Variants in SCMH1 observed in about 807,000 individuals in gnomAD.
SCMH1 encodes the protein polycomb protein SCMH1.
SCMH1 carries 37 observed loss-of-function variants against 70.8 expected under a neutral mutation model. The ratio of observed to expected loss-of-function variants is 0.52; its 90% CI spans 0.40 to 0.69. SCMH1 has a LOEUF of 0.69. SCMH1 is among the 30% of genes least tolerant of loss of function. The pLI, the probability that SCMH1 is intolerant of heterozygous loss-of-function variation, is 0.00. For missense variants in SCMH1, 607 were observed against 827.3 expected (o/e 0.73, Z 3.27); for synonymous variants, 292 against 307.4 (o/e 0.95, Z 0.52).
chr1:41,107,034 T>G (rs1282892434), intron 8 of SCMH1, among the ~76,000 whole-genome samples: 1 of 151,652 alleles, frequency 6.6e-6, no homozygotes, highest in Non-Finnish European at 1.5e-5. Context: ...TTTTTTTAAC[T>G]TCTGGCCCTA....
At chr1:41,092,570 G>T (rs1393560693) in intron 8 of SCMH1, among the ~76,000 whole-genome samples, 1 of 152,096 alleles carries the variant, frequency 6.6e-6, no homozygotes, top group Non-Finnish European at 1.5e-5. Context: ...AGAACTATCA[G>T]CAGAGTGAAC....
chr1:41,131,126 C>T (rs1235437685), intron 6 of SCMH1, among the ~76,000 whole-genome samples: 1 of 152,074 alleles, frequency 6.6e-6, no homozygotes, highest in African/African-American at 2.4e-5. Flanking sequence ...ATGTGAATAT[C>T]CATTTGTTCC....
chr1:41,089,787 C>CTTTTTGTTTTTTTTTTTTTTTTTT (rs1662810433), intron 8 of SCMH1, among the ~76,000 whole-genome samples: 1 of 58,756 alleles, frequency 1.7e-5, no homozygotes. Flanking sequence ...CATGTTGTCT[C>CTTTTTGTTTTTTTTTTTTTTTTTT]TTTTTTTTTT....
chr1:41,032,033 TGGCTGTGCGA>T (rs1177656569), intron 13 of SCMH1, among the ~76,000 whole-genome samples: 1 of 152,154 alleles, frequency 6.6e-6, no homozygotes, highest in African/African-American at 2.4e-5. Context: ...CTTGCCCCTT[TGGCTGTGCGA>T]GGTTACAGTG....
At chr1:41,189,976 G>A (rs769407839) in intron 1 of SCMH1, among the ~76,000 whole-genome samples, 9 of 152,168 alleles carry the variant, frequency 5.9e-5, no homozygotes, top group Non-Finnish European at 1.0e-4. Flanking sequence ...GGTTCCTATA[G>A]TGCCACTTCA....
At position 41,186,104 on chromosome 1, in the gene SCMH1, G is replaced by T; in HGVS notation, c.13+17C>A. ...TTAATCCCTCTTACCTCCACGATAG[G>T]GTAAAAAGATACTTACCATTAGGCT... On this transcript the variant is annotated intron_variant, in intron 2 of 14. Transcript: ENST00000337495. The T allele has an allele frequency of 6.5e-7, 1 of 1,546,750 alleles. No homozygotes were observed. Among genetic ancestry groups the T allele is most frequent in the South Asian group, 1.2e-5 (1 of 83,912 alleles).
chr1:41,037,211 C>CAA, intron 13 of SCMH1, 151 bp downstream of exon 13: 1 of 740,224 alleles, frequency 1.4e-6, no homozygotes, highest in South Asian at 2.1e-5. Context: ...CTCCCAGGTG[C>CAA]AAGGCCAGGC....
At chr1:41,034,196 T>A in intron 13 of SCMH1, 148 bp from the exon 14 acceptor site, 1 of 850,002 alleles carries the variant, frequency 1.2e-6, no homozygotes, top group Non-Finnish European at 1.5e-6. Context: ...TCTGCCTCTC[T>A]ACTTGAGAGC....
chr1:41,077,126 AAAGACACCACAGAGCTGTCATGAGG>A (rs1320321302), intron 8 of SCMH1, among the ~76,000 whole-genome samples: 11 of 152,198 alleles, frequency 7.2e-5, no homozygotes, highest in Non-Finnish European at 1.2e-4. Flanking sequence ...AATTATTTAA[AAAGACACCACAGAGCTGTCATGAGG>A]AAGACACCAC....
At chr1:41,200,371 G>A (rs993904420) in intron 1 of SCMH1, among the ~76,000 whole-genome samples, 9 of 151,872 alleles carry the variant, frequency 5.9e-5, no homozygotes, top group African/African-American at 1.9e-4. Flanking sequence ...TCCCAGCTAC[G>A]CAGGAGGCTG....
intron 1 of SCMH1, 94 bp from the exon 2 acceptor site, chr1:41,186,344 A>C: frequency 2.6e-6 from 1 of 391,244 alleles, no homozygotes; most frequent in Non-Finnish European, 4.7e-6. Flanking sequence ...CTACATTATA[A>C]GAAAAGTAGG....
In SCMH1 at chr1:41,162,552, G is replaced by A. The variant is rs183128929; in HGVS notation, c.14-1120C>T. 7.1e-3 allele frequency among the ~76,000 whole-genome samples: 1,080 copies of A among 152,280 alleles called. 7 individuals carry two copies. The highest frequency in any genetic ancestry group is 0.015 in the South Asian group (72 of 4,828). On this transcript the variant is annotated intron_variant, in intron 2 of 14. Transcript: ENST00000337495. ...TCAGCCCCAGAGCAGAGCAGAGGAC[G>A]AAGATATGACTGAACAATCTGCCTG...
At chr1:41,139,075 G>A (rs1643799336) in intron 6 of SCMH1, among the ~76,000 whole-genome samples, 2 of 152,114 alleles carry the variant, frequency 1.3e-5, no homozygotes, top group Non-Finnish European at 2.9e-5. Flanking sequence ...ACCCCCTGCT[G>A]TCTTTTTTTC....
At chr1:41,043,143 G>A (rs1646432211) in intron 12 of SCMH1, 1 of 152,048 alleles carries the variant, frequency 6.6e-6, no homozygotes. Context: ...GCTCAGGCTG[G>A]AGTGCAGTGG....
chr1:41,063,739 C>A (rs759382297), intron 10 of SCMH1, among the ~76,000 whole-genome samples: 2 of 152,124 alleles, frequency 1.3e-5, no homozygotes, highest in East Asian at 3.8e-4. Flanking sequence ...GAAATGAACT[C>A]ATTCCTTCAA....
intron 1 of SCMH1, among the ~76,000 whole-genome samples, chr1:41,192,619 T>C (rs1235338045): frequency 6.6e-6 from 1 of 152,094 alleles, no homozygotes; most frequent in Non-Finnish European, 1.5e-5. Flanking sequence ...TTTGCTACTA[T>C]TTAGGAAACT....
chr1:41,039,879 C>G (rs920859819), intron 12 of SCMH1, among the ~76,000 whole-genome samples: 2 of 152,002 alleles, frequency 1.3e-5, no homozygotes, highest in African/African-American at 4.8e-5. Flanking sequence ...TCTATCAAAA[C>G]TACTCTGGTT....
intron 1 of SCMH1, among the ~76,000 whole-genome samples, chr1:41,226,495 AG>A (rs1157011218): frequency 3.9e-5 from 6 of 152,338 alleles, no homozygotes; most frequent in African/African-American, 1.2e-4. Context: ...AAGACTTTTA[AG>A]TTCACAGAAA....
At chr1:41,118,606 G>A (rs766916214) in intron 6 of SCMH1, among the ~76,000 whole-genome samples, 18 of 152,292 alleles carry the variant, frequency 1.2e-4, no homozygotes, top group Non-Finnish European at 2.4e-4. Flanking sequence ...ACCAAGGAAT[G>A]ACATTGGAAA....
Sources: allele counts gnomAD v4.1 joint callset (sites outside exome capture counted in the v4.1 genomes callset), GRCh38; gene constraint gnomAD v4.1.1; transcripts MANE v1.5; gene names NCBI Gene and HGNC (gene_info 2026-07-23, HGNC 2026-07-21).